The following SEPTIN9 variants were observed in gnomAD, a reference collection of about 807,000 sequenced individuals.
The protein encoded by SEPTIN9 is septin-9.
A neutral mutation model predicts 56.6 loss-of-function variants in SEPTIN9; 13 were observed. That is an observed-to-expected ratio of 0.23 (90% CI 0.15 to 0.37). The LOEUF (loss-of-function observed/expected upper bound fraction) is 0.37. Among genes scored for constraint, SEPTIN9 ranks in the 10% least tolerant of loss-of-function variants. SEPTIN9 has a pLI of 1.00. For missense variants in SEPTIN9, 650 were observed against 823.1 expected (o/e 0.79, Z 2.57); for synonymous variants, 332 against 334.1 (o/e 0.99, Z 0.07).
At chr17:77,390,290 T>G (rs2035487320) in intron 2 of SEPTIN9, among the ~76,000 whole-genome samples, 1 of 128,094 alleles carries the variant, frequency 7.8e-6, no homozygotes. Flanking sequence ...GAGCTTGCAG[T>G]GAGCAGAGAT....
chr17:77,404,129 A>G (rs576072539), intron 3 of SEPTIN9, among the ~76,000 whole-genome samples: 42 of 152,300 alleles, frequency 2.8e-4, no homozygotes, highest in African/African-American at 1.0e-3. Context: ...CCTTCCTTTC[A>G]GAGGCTGAAT....
chr17:77,447,782 G>A (rs1164315055), intron 3 of SEPTIN9, among the ~76,000 whole-genome samples: 2 of 152,102 alleles, frequency 1.3e-5, no homozygotes, highest in African/African-American at 2.4e-5. Flanking sequence ...ACACTACCAC[G>A]CCTGGCGAAT....
intron 3 of SEPTIN9, among the ~76,000 whole-genome samples, chr17:77,415,716 G>A (rs1241601169): frequency 2.0e-5 from 3 of 152,236 alleles, no homozygotes; most frequent in African/African-American, 7.2e-5. Flanking sequence ...ATTAGTATGA[G>A]CTCCCAGCCC....
In SEPTIN9 at chr17:77,493,025, G is replaced by T. The variant is rs751930046; in HGVS notation, c.1522G>T (p.Val508Phe). 24 of 1,570,978 alleles carry T rather than the reference G, an allele frequency of 1.5e-5. No homozygotes were observed. Among genetic ancestry groups the T allele is most frequent in the Non-Finnish European group, 2.1e-5 (24 of 1,158,464 alleles). ...GGTGGGCAGTGACCACGAGTACCAG[G>T]TCAACGGCAAGAGGATCCTTGGGAG... ...AVVGSDHEYQ[V>F]NGKRILGRKT... The change falls in exon 10 of 12, where the codon GTC (valine) becomes TTC (phenylalanine). Residue 508 changes from valine (V) to phenylalanine (F), a missense_variant. Physicochemically the swap from Val to Phe is conservative, Grantham distance 50. Around this residue, in one of 2 missense-constraint regions of SEPTIN9, gnomAD observed 333 missense variants for 494.0 expected, o/e 0.67. Coordinates refer to ENST00000427177, the MANE Select transcript of SEPTIN9 (RefSeq NM_001113491.2).
chr17:77,401,950 C>G lies in SEPTIN9; in HGVS notation c.77-109C>G, dbSNP rs2144097152. 5 of 1,128,660 alleles carry G rather than the reference C, an allele frequency of 4.4e-6. No individual in the cohort carries two copies. In the East Asian group the frequency reaches 1.3e-4, roughly 29 times the overall value. The allele number at this position is 1,128,660 out of a possible 1,614,324, so 69.9% of individuals were successfully genotyped here. A position where few individuals can be genotyped will look rare whatever the true frequency, so the allele number is the denominator to read the frequency against. ...TGAAGGACGGGAAGAGACCCCCGGC[C>G]CTCACCGCCGCATCGCCTGCCTTCC... On this transcript the variant is annotated intron_variant, in intron 2 of 11. Coordinates refer to ENST00000427177, the MANE Select transcript of SEPTIN9 (RefSeq NM_001113491.2).
chr17:77,479,154 C>T (rs1187217613), intron 3 of SEPTIN9, among the ~76,000 whole-genome samples: 1 of 152,234 alleles, frequency 6.6e-6, no homozygotes, highest in Non-Finnish European at 1.5e-5. Flanking sequence ...GTGACCGTGG[C>T]AAACGTTATG....
At chr17:77,427,450 C>T (rs1282855995) in intron 3 of SEPTIN9, among the ~76,000 whole-genome samples, 7 of 152,176 alleles carry the variant, frequency 4.6e-5, no homozygotes, top group Admixed American at 4.6e-4. Context: ...CTGGGTTTTC[C>T]CTTCACTGTG....
At chr17:77,411,119 TTAGA>T (rs2036280430) in intron 3 of SEPTIN9, among the ~76,000 whole-genome samples, 1 of 151,880 alleles carries the variant, frequency 6.6e-6, no homozygotes, top group South Asian at 2.1e-4. Context: ...CCAGTCATTC[TTAGA>T]TAGAAAATGA....
chr17:77,461,020 G>A (rs1048623415), intron 3 of SEPTIN9, among the ~76,000 whole-genome samples: 1 of 152,112 alleles, frequency 6.6e-6, no homozygotes, highest in Middle Eastern at 3.2e-3. Flanking sequence ...AAATCTGTGG[G>A]GAGGCTGGGC....
chr17:77,476,031 A>C lies in SEPTIN9; in HGVS notation c.722-6113A>C, dbSNP rs2039200489. Reference sequence around the variant, plus strand: ...GTCCTGGGGTGCAGGCCCGGCTGTCACTCCCCTGGAGCTGGGAATGGCATT... The same window carrying C: ...GTCCTGGGGTGCAGGCCCGGCTGTCCCTCCCCTGGAGCTGGGAATGGCATT... On this transcript the variant is annotated intron_variant, in intron 3 of 11. Transcript: ENST00000427177. This position sits in a 1 kb window ranked among gnomAD's most constrained non-coding sequence, Gnocchi z 6.0. 45 of 988,426 alleles carry C rather than the reference A, an allele frequency of 4.6e-5. No homozygotes were observed. Among genetic ancestry groups the C allele is most frequent in the Non-Finnish European group, 6.6e-5 (44 of 662,796 alleles). 61.2% of individuals were successfully genotyped at this position (988,426 alleles called of 1,614,324 possible).
chr17:77,458,373 C>A (rs139088172), intron 3 of SEPTIN9, among the ~76,000 whole-genome samples: 1 of 152,204 alleles, frequency 6.6e-6, no homozygotes, highest in Non-Finnish European at 1.5e-5. Context: ...CCGGCACCGC[C>A]GCTGTCCTTG....
Position 77,354,511 on chromosome 17 carries a change from G to A in SEPTIN9, c.76+47314G>A, listed in dbSNP as rs1199891087. 2.6e-5 allele frequency among the ~76,000 whole-genome samples: 4 copies of A among 152,146 alleles called. No individual in the cohort carries two copies. The East Asian group carries it at 5.8e-4, about 22-fold the overall frequency. ...TCCCCAAATGCTCCTGCCCAGCCTG[G>A]AGCCTCCTTTCCAGCTGGGGGAGGG... On this transcript the variant is annotated intron_variant, in intron 2 of 11. Transcript: ENST00000427177.
At chr17:77,298,977 C>CCTAG (rs2031926677) in intron 1 of SEPTIN9, among the ~76,000 whole-genome samples, 1 of 152,170 alleles carries the variant, frequency 6.6e-6, no homozygotes, top group African/African-American at 2.4e-5. Context: ...CTGTGCCTGG[C>CCTAG]CTAGGCTGGC....
rs1205944729 is a variant in SEPTIN9, at chr17:77,319,819, A to G, written c.76+12622A>G. 4 of 1,076,396 alleles carry G rather than the reference A, an allele frequency of 3.7e-6. No individual in the cohort carries two copies. Among genetic ancestry groups the G allele is most frequent in the Non-Finnish European group, 4.5e-6 (4 of 885,480 alleles). 66.7% of individuals were successfully genotyped at this position (1,076,396 alleles called of 1,614,324 possible). ...ATTTGACTCTGTGAGTTGGTTTCCA[A>G]GAGTCTAAGTTAAGCATCTCCAAGT... On this transcript the variant is annotated intron_variant, in intron 2 of 11. Transcript: ENST00000427177. The surrounding 1 kb of genome is among the most constrained non-coding windows in gnomAD (Gnocchi z 5.3).
At chr17:77,397,894 G>A (rs906111792) in intron 2 of SEPTIN9, among the ~76,000 whole-genome samples, 3 of 151,964 alleles carry the variant, frequency 2.0e-5, no homozygotes, top group Non-Finnish European at 2.9e-5. Context: ...CAGGTGATCC[G>A]CCTGCCTTGG....
chr17:77,403,330 A>G (rs529223263), intron 3 of SEPTIN9, among the ~76,000 whole-genome samples: 1 of 152,340 alleles, frequency 6.6e-6, no homozygotes, highest in East Asian at 1.9e-4. Context: ...TTCTCAGGGC[A>G]CTGGGAAGGG....
rs2034670836 is a variant in SEPTIN9, at chr17:77,369,930, C to G, written c.77-32129C>G. On this transcript the variant is annotated intron_variant, in intron 2 of 11. Transcript: ENST00000427177. This position sits in a 1 kb window ranked among gnomAD's most constrained non-coding sequence, Gnocchi z 4.9. ...CCCCGGGGCCTGACCTGTGGGGTTT[C>G]TCTCCAGACCTGCTCCTTCCCATTT... Among the ~76,000 whole-genome samples, 1 of 152,226 alleles carries G rather than the reference C, an allele frequency of 6.6e-6. No homozygotes were observed.
At chr17:77,303,057 T>C (rs1413492711) in intron 1 of SEPTIN9, among the ~76,000 whole-genome samples, 2 of 152,052 alleles carry the variant, frequency 1.3e-5, no homozygotes, top group East Asian at 3.9e-4. Context: ...ACTCCTGCCT[T>C]CTGCTGTCTT....
At chr17:77,426,815 A>G (rs2036932957) in intron 3 of SEPTIN9, 1 of 152,044 alleles carries the variant, frequency 6.6e-6, no homozygotes, top group Non-Finnish European at 1.5e-5. Context: ...GGGGACACTG[A>G]CTTGTGTTGT....
Sources: gnomAD v4.1 joint callset for allele counts (sites outside exome capture counted in the v4.1 genomes callset) on GRCh38, gnomAD v4.1.1 for gene constraint, gnomAD v4.1.1 regional missense constraint, Gnocchi (gnomAD v3.1) non-coding constraint, MANE v1.5 for transcripts, NCBI Gene and HGNC (gene_info 2026-07-23, HGNC 2026-07-21) for gene names.